Variants in ZNF207 observed in about 807,000 individuals in gnomAD.
ZNF207 encodes BUB3-interacting and GLEBS motif-containing protein ZNF207.
ZNF207 carries 24 observed loss-of-function variants against 60.2 expected under a neutral mutation model. That is an observed-to-expected ratio of 0.40 (90% confidence interval 0.29 to 0.56). The LOEUF (loss-of-function observed/expected upper bound fraction) is 0.56. ZNF207 is among the 20% of genes least tolerant of loss of function. The probability of loss-of-function intolerance (pLI) is 0.49; values close to 1 mark genes in which losing one functional copy is unlikely to be tolerated. For synonymous variants in ZNF207, 236 were observed against 194.7 expected, an observed-to-expected ratio of 1.21 and a Z score of -1.77; for missense variants, 452 against 636.6, an observed-to-expected ratio of 0.71 and a Z score of 3.12.
rs1291145585 is a variant in ZNF207, at chr17:32,378,337, C to G, written c.*8578C>G. The G allele has an allele frequency of 1.3e-5, 2 of 152,026 alleles. No individual in the cohort carries two copies. The highest frequency in any genetic ancestry group is 2.9e-5 in the Non-Finnish European group (2 of 67,914). 9.4% of individuals were successfully genotyped at this position (152,026 alleles called of 1,614,324 possible). On this transcript the variant is annotated 3_prime_UTR_variant, in exon 12 of 12. Coordinates refer to ENST00000394670, the MANE Select transcript of ZNF207 (RefSeq NM_001098507.2). ...TTAAGCTATTTCATGGTGGTTCTCT[C>G]ATTCACCTTTTAACTTTTTACATTA...
rs373183624 is a variant in ZNF207, at chr17:32,365,337, C to T, written c.678C>T (p.Pro226=). Residue 226 remains proline (P), a synonymous_variant, in exon 8 of 12, where the codon CCC becomes CCT. Coordinates refer to ENST00000394670, the MANE Select transcript of ZNF207 (RefSeq NM_001098507.2). ...PLMPGMPPGM[P]PPVPRPGIPP... ...AACATTTCTTCTCTGCAGGTATGCC[C>T]CCACCTGTTCCACGTCCTGGAATTC... The T allele has an allele frequency of 6.2e-6, 10 of 1,613,384 alleles. No individual in the cohort carries two copies. Among genetic ancestry groups the T allele is most frequent in the Admixed American group, 3.3e-5 (2 of 59,912 alleles).
Position 32,358,532 on chromosome 17 carries a change from A to G in ZNF207, c.198A>G (p.Pro66=), listed in dbSNP as rs2150792443. 3 of 1,568,654 alleles carry G rather than the reference A, an allele frequency of 1.9e-6. No homozygotes were observed. Among genetic ancestry groups the G allele is most frequent in the Non-Finnish European group, 2.6e-6 (3 of 1,164,868 alleles). ...QVHKETIDAV[P]NAIPGRTDIE... is the part of the protein sequence containing the mutation. Reference sequence around the variant, plus strand: ...ATAAAGAAACAATAGATGCCGTACCAAATGCAATACCTGGAAGAACAGACA... The same window carrying G: ...ATAAAGAAACAATAGATGCCGTACCGAATGCAATACCTGGAAGAACAGACA... The change falls in exon 3 of 12, where the codon CCA becomes CCG. Residue 66 remains proline, a synonymous_variant. Transcript: ENST00000394670.
At chr17:32,354,178 C>T (rs750975993) in intron 2 of ZNF207, among the ~76,000 whole-genome samples, 3 of 152,162 alleles carry the variant, frequency 2.0e-5, no homozygotes, top group Non-Finnish European at 4.4e-5. Context: ...CAGGGTCTCA[C>T]TATGTTGCAC....
rs1444527695 is a variant in ZNF207 at position 32,380,359 on chromosome 17, T to C, written c.*10600T>C. 3 of 152,470 alleles carry C rather than the reference T, an allele frequency of 2.0e-5. No individual in the cohort carries two copies. Among genetic ancestry groups the C allele is most frequent in the Admixed American group, 6.5e-5 (1 of 15,310 alleles). The allele number at this position is 152,470 out of a possible 1,614,324, so 9.4% of individuals were successfully genotyped here. A position where few individuals can be genotyped will look rare whatever the true frequency, so the allele number is the denominator to read the frequency against. On this transcript the variant is annotated 3_prime_UTR_variant, in exon 12 of 12. Transcript: ENST00000394670. ...CAAATTTGCCTGCATAAAGATTAAA[T>C]TGGAACATACCTTACTCCTTTGTCT...
Position 32,378,697 on chromosome 17 carries a change from A to G in ZNF207, c.*8938A>G, listed in dbSNP as rs1366072680. 1 of 149,366 alleles carries G rather than the reference A, an allele frequency of 6.7e-6. No homozygotes were observed. Among genetic ancestry groups the G allele is most frequent in the Non-Finnish European group, 1.5e-5 (1 of 66,928 alleles). The allele number at this position is 149,366 out of a possible 1,614,324, so 9.3% of individuals were successfully genotyped here. ...GTGGAAAATGTGTTTTAACATTTTT[A>G]TTTTTTTTTTATTCTACCCGAGTTC... is the stretch of plus-strand genomic sequence containing the variant. On this transcript the variant is annotated 3_prime_UTR_variant, in exon 12 of 12. Coordinates refer to ENST00000394670, the MANE Select transcript of ZNF207 (RefSeq NM_001098507.2).
chr17:32,367,878 A>T lies in ZNF207; in HGVS notation c.1028A>T (p.Gln343Leu), dbSNP rs201526862. The T allele has an allele frequency of 9.1e-5, 147 of 1,614,062 alleles. No homozygotes were observed. Among genetic ancestry groups the T allele is most frequent in the Non-Finnish European group, 1.1e-4 (134 of 1,180,036 alleles). The change falls in exon 10 of 12, where the codon CAG (glutamine) becomes CTG (leucine). Residue 343 changes from glutamine to leucine, a missense_variant. Around this residue, in one of 2 missense-constraint regions of ZNF207, gnomAD observed 390 missense variants for 461.4 expected, o/e 0.85. Coordinates refer to ENST00000394670, the MANE Select transcript of ZNF207 (RefSeq NM_001098507.2). The part of the protein sequence containing the change: ...PPKPTFPAYT[Q>L]STASTTSTTN... Reference sequence around the variant, plus strand: ...AAGCCTACATTCCCTGCTTATACACAGTCTACAGCTTCAACAACTAGTACA... The same window carrying T: ...AAGCCTACATTCCCTGCTTATACACTGTCTACAGCTTCAACAACTAGTACA...
chr17:32,373,341 G>A lies in ZNF207; in HGVS notation c.*3582G>A. ...TTTAAAAAAAAAAATTTTAATGCAT[G>A]TCTTTTAAATTAATTGGGAACTGTT... On this transcript the variant is annotated 3_prime_UTR_variant, in exon 12 of 12. Coordinates refer to ENST00000394670, the MANE Select transcript of ZNF207 (RefSeq NM_001098507.2). The A allele has an allele frequency of 1.5e-6, 1 of 648,432 alleles. No individual in the cohort carries two copies. Among genetic ancestry groups the A allele is most frequent in the Non-Finnish European group, 2.7e-6 (1 of 364,272 alleles). 40.2% of individuals were successfully genotyped at this position (648,432 alleles called of 1,614,324 possible).
Position 32,379,509 on chromosome 17 carries a change from T to C in ZNF207, c.*9750T>C, listed in dbSNP as rs1477662759. 1.3e-5 allele frequency: 2 copies of C among 151,834 alleles called. No individual in the cohort carries two copies. The highest frequency in any genetic ancestry group is 2.4e-5 in the African/African-American group (1 of 41,372). 9.4% of individuals were successfully genotyped at this position (151,834 alleles called of 1,614,324 possible). A position where few individuals can be genotyped will look rare whatever the true frequency, so the allele number is the denominator to read the frequency against. On this transcript the variant is annotated 3_prime_UTR_variant, in exon 12 of 12. Coordinates refer to ENST00000394670, the MANE Select transcript of ZNF207 (RefSeq NM_001098507.2). ...TAGTATTTAAGAAAGTTCTTAAACA[T>C]TTTTTTTAGTTGGCAGCCAAAAGAT...
chr17:32,362,546 T>C (rs1904947357), intron 6 of ZNF207, among the ~76,000 whole-genome samples: 1 of 152,234 alleles, frequency 6.6e-6, no homozygotes, highest in Non-Finnish European at 1.5e-5. Context: ...TAGAGATTTC[T>C]TCTTTTTCTT....
chr17:32,365,982 G>A (rs1056133420), intron 8 of ZNF207, among the ~76,000 whole-genome samples: 2 of 152,024 alleles, frequency 1.3e-5, no homozygotes, highest in Non-Finnish European at 2.9e-5. Flanking sequence ...TTTCTTACTG[G>A]TCTTTTTTCA....
At chr17:32,360,171 C>T (rs1051228764) in intron 3 of ZNF207, among the ~76,000 whole-genome samples, 2 of 125,142 alleles carry the variant, frequency 1.6e-5, no homozygotes, top group East Asian at 4.0e-4. Context: ...CAAGACCTCA[C>T]CTTTACCCCC....
chr17:32,357,615 G>A (rs1904623878), intron 2 of ZNF207, among the ~76,000 whole-genome samples: 1 of 151,582 alleles, frequency 6.6e-6, no homozygotes, highest in Non-Finnish European at 1.5e-5. Flanking sequence ...CCAAAGTGCT[G>A]GGATTACAGG....
intron 10 of ZNF207, chr17:32,368,690 CAA>C (rs56261296): frequency 1.8e-4 from 20 of 113,018 alleles, no homozygotes; most frequent in Non-Finnish European, 2.5e-4. Context: ...GACTCCATCT[CAA>C]AAAAAAAAAA....
intron 2 of ZNF207, among the ~76,000 whole-genome samples, chr17:32,356,091 C>T (rs1005495059): frequency 2.0e-5 from 3 of 152,160 alleles, no homozygotes; most frequent in Non-Finnish European, 4.4e-5. Flanking sequence ...ATAGACCTGG[C>T]AGTTAAATCA....
chr17:32,356,030 A>G (rs568054102), intron 2 of ZNF207, among the ~76,000 whole-genome samples: 25 of 152,360 alleles, frequency 1.6e-4, no homozygotes, highest in African/African-American at 6.0e-4. Flanking sequence ...ACTTAGTAAC[A>G]TTATTGTCTG....
In ZNF207 at chr17:32,357,339, A is replaced by ATT. The variant is rs1405292203; in HGVS notation, c.169-1163_169-1162dup. 1.8e-3 allele frequency among the ~76,000 whole-genome samples: 144 copies of ATT among 81,878 alleles called. 5 individuals carry two copies. Among genetic ancestry groups the ATT allele is most frequent in the African/African-American group, 7.7e-3 (124 of 16,176 alleles). The allele number at this position is 81,878 out of a possible 152,430, so 53.7% of individuals were successfully genotyped here. A position where few individuals can be genotyped will look rare whatever the true frequency, so the allele number is the denominator to read the frequency against. On this transcript the variant is annotated intron_variant, in intron 2 of 11. Coordinates refer to ENST00000394670, the MANE Select transcript of ZNF207 (RefSeq NM_001098507.2). ...TATTATTATTATTATTATTATTATT[A>ATT]TTATTATTATTATTTTTTTTTTTTT...
intron 2 of ZNF207, among the ~76,000 whole-genome samples, chr17:32,352,510 G>A (rs1014057876): frequency 6.6e-6 from 1 of 152,146 alleles, no homozygotes; most frequent in African/African-American, 2.4e-5. Context: ...AATATTTCCT[G>A]AGTACTTGGA....
chr17:32,377,581 G>T lies in ZNF207; in HGVS notation c.*7822G>T, dbSNP rs1210128320. ...AATTAAAAACTTTTAAAAATTGCTT[G>T]TCTTTGGGGGTATGTCTACATATTC... On this transcript the variant is annotated 3_prime_UTR_variant, in exon 12 of 12. Coordinates refer to ENST00000394670, the MANE Select transcript of ZNF207 (RefSeq NM_001098507.2). The T allele has an allele frequency of 1.3e-5, 2 of 151,928 alleles. No individual in the cohort carries two copies. Among genetic ancestry groups the T allele is most frequent in the Non-Finnish European group, 2.9e-5 (2 of 67,850 alleles). The allele number at this position is 151,928 out of a possible 1,614,324, so 9.4% of individuals were successfully genotyped here.
intron 1 of ZNF207, 159 bp from the exon 2 acceptor site, chr17:32,351,627 C>T: frequency 6.5e-7 from 1 of 1,546,424 alleles, no homozygotes; most frequent in South Asian, 1.2e-5. Flanking sequence ...AATAACATGG[C>T]AAGTGTAGTC....
Sources: allele counts gnomAD v4.1 joint callset (sites outside exome capture counted in the v4.1 genomes callset), GRCh38; gene constraint gnomAD v4.1.1; regional missense constraint gnomAD v4.1.1; transcripts MANE v1.5; gene names NCBI Gene and HGNC (gene_info 2026-07-23, HGNC 2026-07-21).